BCL2L14: variants seen among roughly 807,000 people sequenced by gnomAD.
The protein encoded by BCL2L14 is BCL2 like 14, also known as apoptosis facilitator Bcl-2-like protein 14.
Under a neutral mutation model 35.3 loss-of-function variants are expected in BCL2L14, and 27 were observed. The observed-to-expected ratio is 0.76, with a 90% CI of 0.56 to 1.05. The LOEUF (loss-of-function observed/expected upper bound fraction) is 1.05, where lower values mean the gene tolerates loss of function less well. Among genes scored for constraint, BCL2L14 ranks in the 50% least tolerant of loss-of-function variants. The probability of loss-of-function intolerance (pLI) is 0.00; values close to 1 mark genes in which losing one functional copy is unlikely to be tolerated. For missense variants in BCL2L14, 377 were observed against 382.6 expected, an observed-to-expected ratio of 0.99 and a Z score of 0.12; for synonymous variants, 139 against 145.9, an observed-to-expected ratio of 0.95 and a Z score of 0.34.
chr12:12,088,495 C>T (rs1949096668), intron 3 of BCL2L14, among the ~76,000 whole-genome samples: 1 of 152,118 alleles, frequency 6.6e-6, no homozygotes, highest in South Asian at 2.1e-4. Context: ...CCCAGGTGGC[C>T]TTTTCCTATT....
intron 5 of BCL2L14, 84 bp from the exon 6 acceptor site, chr12:12,098,866 G>A (rs1345773732): frequency 8.0e-6 from 8 of 994,784 alleles, no homozygotes; most frequent in Non-Finnish European, 1.3e-5. Flanking sequence ...TCACGCCTGG[G>A]ATAGAGCAGA....
chr12:12,061,284 T>A (rs1241228147), intron 2 of BCL2L14, among the ~76,000 whole-genome samples: 1 of 151,772 alleles, frequency 6.6e-6, no homozygotes, highest in Admixed American at 6.6e-5. Flanking sequence ...CCCACAAGTA[T>A]AAGATACCTC....
chr12:12,074,643 T>G (rs1243950130), intron 1 of BCL2L14, among the ~76,000 whole-genome samples: 3 of 152,106 alleles, frequency 2.0e-5, no homozygotes, highest in African/African-American at 7.2e-5. Context: ...TTCACCATGT[T>G]GGCCAGGCTT....
At chr12:12,085,457 A>C (rs1949021736) in intron 2 of BCL2L14, among the ~76,000 whole-genome samples, 1 of 152,216 alleles carries the variant, frequency 6.6e-6, no homozygotes, top group African/African-American at 2.4e-5. Context: ...CTGGGCTGCA[A>C]TAAGGGGATT....
chr12:12,083,679 T>C (rs1338422060), intron 2 of BCL2L14, among the ~76,000 whole-genome samples: 3 of 152,152 alleles, frequency 2.0e-5, no homozygotes, highest in Admixed American at 6.5e-5. Flanking sequence ...GCAGGGTGGC[T>C]CATGCCTATA....
rs760878671 is a variant in BCL2L14 at position 12,090,867 on chromosome 12, C to A, written c.678+18C>A. The A allele has an allele frequency of 3.1e-6, 5 of 1,590,146 alleles. No individual in the cohort carries two copies. Among genetic ancestry groups the A allele is most frequent in the Non-Finnish European group, 4.3e-6 (5 of 1,164,004 alleles). On this transcript the variant is annotated intron_variant, in intron 4 of 5. Transcript: ENST00000308721. ...AAAGAAAGGTATGGAACACCTTGAA[C>A]TGATGCGATTGATTTCTGTGCCCAT...
At chr12:12,062,032 C>T (rs1948533305) in intron 2 of BCL2L14, among the ~76,000 whole-genome samples, 1 of 152,104 alleles carries the variant, frequency 6.6e-6, no homozygotes, top group Admixed American at 6.5e-5. Context: ...TGTCTCCGTG[C>T]AGTGGCTGCT....
At chr12:12,078,797 C>CTCT (rs3052100) in intron 1 of BCL2L14, among the ~76,000 whole-genome samples, 2 of 148,140 alleles carry the variant, frequency 1.4e-5, no homozygotes, top group Non-Finnish European at 2.9e-5. Flanking sequence ...CATTCTCTCT[C>CTCT]TGTTGTTTTT....
intron 2 of BCL2L14, among the ~76,000 whole-genome samples, chr12:12,061,634 C>T (rs1157472807): frequency 2.6e-5 from 4 of 152,048 alleles, no homozygotes; most frequent in Non-Finnish European, 4.4e-5. Flanking sequence ...TTCTGGATCT[C>T]AAACATGCTT....
intron 2 of BCL2L14, among the ~76,000 whole-genome samples, chr12:12,060,830 A>C: frequency 1.6e-5 from 2 of 128,610 alleles, no homozygotes; most frequent in Non-Finnish European, 1.6e-5. Context: ...TCTCTGACTG[A>C]CTCCTTCTCA....
At chr12:12,058,150 C>T (rs926513546) in intron 2 of BCL2L14, among the ~76,000 whole-genome samples, 1 of 151,888 alleles carries the variant, frequency 6.6e-6, no homozygotes. Flanking sequence ...CGAGGTTTCA[C>T]CATGTTGGCC....
Position 12,090,773 on chromosome 12 carries a change from C to G in BCL2L14, c.608-6C>G. 1.2e-6 allele frequency: 2 copies of G among 1,607,028 alleles called. No homozygotes were observed. The highest frequency in any genetic ancestry group is 1.7e-6 in the Non-Finnish European group (2 of 1,176,994). On this transcript the variant is annotated splice_polypyrimidine_tract_variant and splice_region_variant and intron_variant, in intron 3 of 5. Coordinates refer to ENST00000308721, the MANE Select transcript of BCL2L14 (RefSeq NM_138723.2). ...TAAAAGAAATAACTGGAATTTTCCC[C>G]GACAGATGAAGAAGAACAAATACTA...
intron 2 of BCL2L14, among the ~76,000 whole-genome samples, chr12:12,085,543 T>C (rs1361228090): frequency 6.6e-6 from 1 of 152,242 alleles, no homozygotes; most frequent in African/African-American, 2.4e-5. Flanking sequence ...TTCTTGATCT[T>C]TCTTCTCTCC....
chr12:12,052,089 C>T (rs559557760), intron 2 of BCL2L14, among the ~76,000 whole-genome samples: 4 of 151,844 alleles, frequency 2.6e-5, no homozygotes, highest in South Asian at 2.1e-4. Context: ...CTTTGTTTTT[C>T]GTTTTATTTT....
At chr12:12,076,916 T>G (rs1641720) in intron 1 of BCL2L14, among the ~76,000 whole-genome samples, 102,961 of 151,880 alleles carry the variant, frequency 0.68, 35,043 homozygotes, top group Admixed American at 0.76. Context: ...ATCTAACAAC[T>G]TGGACACCGA....
intron 2 of BCL2L14, among the ~76,000 whole-genome samples, chr12:12,081,168 C>CA (rs1948915371): frequency 6.6e-6 from 1 of 151,930 alleles, no homozygotes; most frequent in Admixed American, 6.6e-5. Context: ...GCCTGGGTGA[C>CA]AGAGTGAGAG....
chr12:12,090,889 C>T (rs1949174404), intron 4 of BCL2L14, 40 bp downstream of exon 4: 1 of 1,491,820 alleles, frequency 6.7e-7, no homozygotes, highest in South Asian at 1.2e-5. Flanking sequence ...ATTTCTGTGC[C>T]CATGCACTAG....
rs1189993931 is a variant in BCL2L14, at chr12:12,079,722, G to C, written c.417G>C (p.Gln139His). Reference protein sequence around the residue: ...QWSRCLSNVEQCLEHEAVDPK... With the variant: ...QWSRCLSNVEHCLEHEAVDPK... ...CCAGGTGTCTTTCTAACGTGGAGCA[G>C]TGCTTGGAGCATGAAGGTAGGCATC... is the stretch of plus-strand genomic sequence containing the variant. The change falls in exon 2 of 6, where the codon CAG becomes CAC. Residue 139 changes from glutamine (Q) to histidine (H), a missense_variant. Transcript: ENST00000308721. The C allele has an allele frequency of 2.5e-6, 4 of 1,613,150 alleles. No individual in the cohort carries two copies. The highest frequency in any genetic ancestry group is 3.4e-6 in the Non-Finnish European group (4 of 1,179,460).
intron 5 of BCL2L14, among the ~76,000 whole-genome samples, chr12:12,097,258 T>C (rs568887243): frequency 1.4e-4 from 22 of 152,354 alleles, no homozygotes; most frequent in African/African-American, 5.3e-4. Context: ...TGTTCATAGC[T>C]TCCATTAGCC....
Sources: allele counts gnomAD v4.1 joint callset (sites outside exome capture counted in the v4.1 genomes callset), GRCh38; gene constraint gnomAD v4.1.1; transcripts MANE v1.5; gene names NCBI Gene and HGNC (gene_info 2026-07-23, HGNC 2026-07-21).